The following MTMR14 variants were observed in gnomAD, a reference collection of about 807,000 sequenced individuals.
The protein encoded by MTMR14 is myotubularin related protein 14, also known as phosphatidylinositol-3,5-bisphosphate 3-phosphatase MTMR14.
A neutral mutation model predicts 86.3 loss-of-function variants in MTMR14; 48 were observed. The ratio of observed to expected loss-of-function variants is 0.56; its 90% CI spans 0.44 to 0.71. The LOEUF (loss-of-function observed/expected upper bound fraction) is 0.71. Among genes scored for constraint, MTMR14 ranks in the 30% least tolerant of loss-of-function variants. The pLI, the probability that MTMR14 is intolerant of heterozygous loss-of-function variation, is 0.00. For missense variants in MTMR14, 780 were observed against 834.6 expected, an observed-to-expected ratio of 0.93 and a Z score of 0.81; for synonymous variants, 366 against 326.1, an observed-to-expected ratio of 1.12 and a Z score of -1.32.
intron 13 of MTMR14, among the ~76,000 whole-genome samples, chr3:9,686,293 T>C (rs1201686704): frequency 6.6e-6 from 1 of 152,212 alleles, no homozygotes; most frequent in East Asian, 1.9e-4. Flanking sequence ...TTGTAGCCTC[T>C]CATTTTGGGA....
In MTMR14 at chr3:9,668,719, CACAT is replaced by C. The variant is rs1559576690; in HGVS notation, c.419_422del (p.His140LeufsTer74). 3 of 1,614,136 alleles carry C rather than the reference CACAT, an allele frequency of 1.9e-6. No individual in the cohort carries two copies. On this transcript the variant is annotated frameshift_variant and splice_region_variant, in exon 4 of 19. Coordinates refer to ENST00000296003, the MANE Select transcript of MTMR14 (RefSeq NM_001077525.3). LOFTEE classifies it high-confidence loss of function. ...CGTGAAAATGATGTTTCTCTCCCAG[CACAT>C]TTGCAGGTCGGCCACACTGGCTGGA...
intron 1 of MTMR14, 109 bp from the exon 2 acceptor site, chr3:9,653,512 T>C: frequency 7.2e-7 from 1 of 1,381,190 alleles, no homozygotes; most frequent in Non-Finnish European, 1.0e-6. Context: ...AGAATAATTA[T>C]CACCCAGGTA....
intron 18 of MTMR14, chr3:9,700,584 A>G (rs1559626039): frequency 6.6e-6 from 1 of 152,258 alleles, no homozygotes; most frequent in Non-Finnish European, 1.5e-5. Context: ...CAGAGCCTAC[A>G]GAGGCCAAGA....
At chr3:9,669,108 C>A (rs1179147876) in intron 4 of MTMR14, among the ~76,000 whole-genome samples, 2 of 151,430 alleles carry the variant, frequency 1.3e-5, no homozygotes, top group African/African-American at 4.9e-5. Flanking sequence ...CCACTGCACT[C>A]CAGCCTGGGC....
chr3:9,659,701 C>T, intron 2 of MTMR14: 1 of 455,506 alleles, frequency 2.2e-6, no homozygotes, highest in East Asian at 6.9e-5. Context: ...CCTGAGCCTC[C>T]CCAAGTGTGG....
At position 9,665,572 on chromosome 3, in the gene MTMR14, G is replaced by C. The variant is rs375646753; in HGVS notation, c.418-3147G>C. 2.0e-5 allele frequency among the ~76,000 whole-genome samples: 3 copies of C among 152,040 alleles called. No individual in the cohort carries two copies. The South Asian group carries it at 6.2e-4, about 32-fold the overall frequency. On this transcript the variant is annotated intron_variant, in intron 3 of 18. Coordinates refer to ENST00000296003, the MANE Select transcript of MTMR14 (RefSeq NM_001077525.3). ...TGAGTTAAATAGAAGTCTAAACCCC[G>C]CTTACACAATATATCCATGTAACAA...
chr3:9,649,516 T>G lies in MTMR14; in HGVS notation c.-68T>G. 1 of 1,484,494 alleles carries G rather than the reference T, an allele frequency of 6.7e-7. No homozygotes were observed. The highest frequency in any genetic ancestry group is 8.9e-7 in the Non-Finnish European group (1 of 1,120,906). 92.0% of individuals were successfully genotyped at this position (1,484,494 alleles called of 1,614,324 possible). A position where few individuals can be genotyped will look rare whatever the true frequency, so the allele number is the denominator to read the frequency against. ...TGAGGCGGTTCCGGAGGTTCTAGTG[T>G]CGGAGTTGGGTGCAGGCAGGTGCCA... On this transcript the variant is annotated 5_prime_UTR_variant, in exon 1 of 19. Coordinates refer to ENST00000296003, the MANE Select transcript of MTMR14 (RefSeq NM_001077525.3).
At chr3:9,656,991 C>T (rs1004775600) in intron 2 of MTMR14, among the ~76,000 whole-genome samples, 1 of 151,918 alleles carries the variant, frequency 6.6e-6, no homozygotes, top group African/African-American at 2.4e-5. Flanking sequence ...TGGCTTGCTG[C>T]GGCCTTGATC....
At chr3:9,664,815 T>TATTC (rs1193719337) in intron 3 of MTMR14, among the ~76,000 whole-genome samples, 2 of 152,060 alleles carry the variant, frequency 1.3e-5, no homozygotes, top group Admixed American at 6.6e-5. Flanking sequence ...AAAATATAGT[T>TATTC]AGAATGAGTA....
intron 5 of MTMR14, among the ~76,000 whole-genome samples, chr3:9,669,922 G>A (rs1215059374): frequency 6.6e-6 from 1 of 152,194 alleles, no homozygotes; most frequent in African/African-American, 2.4e-5. Context: ...GAGACATGAG[G>A]TCTAGCCTGG....
chr3:9,702,167 T>G lies in MTMR14; in HGVS notation c.*194T>G. 1 of 675,956 alleles carries G rather than the reference T, an allele frequency of 1.5e-6. No homozygotes were observed. Among genetic ancestry groups the G allele is most frequent in the Non-Finnish European group, 2.6e-6 (1 of 385,052 alleles). The allele number at this position is 675,956 out of a possible 1,614,324, so 41.9% of individuals were successfully genotyped here. ...TTCCAACCCCCAGCCTCTTGACTGG[T>G]GACCACCACCCCTTCTTGTCACTGT... On this transcript the variant is annotated 3_prime_UTR_variant, in exon 19 of 19. Transcript: ENST00000296003.
chr3:9,690,892 T>C (rs1259313268), intron 17 of MTMR14, among the ~76,000 whole-genome samples: 2 of 152,202 alleles, frequency 1.3e-5, no homozygotes, highest in Non-Finnish European at 2.9e-5. Flanking sequence ...AAGGGGCATT[T>C]AGAAGAATGG....
intron 2 of MTMR14, 46 bp from the exon 3 acceptor site, chr3:9,662,221 C>A: frequency 2.1e-6 from 3 of 1,460,414 alleles, no homozygotes; most frequent in Non-Finnish European, 2.9e-6. Flanking sequence ...ACACAAAGTG[C>A]CCACTTCAAA....
chr3:9,702,166 GT>G lies in MTMR14; in HGVS notation c.*194del. On this transcript the variant is annotated 3_prime_UTR_variant, in exon 19 of 19. Transcript: ENST00000296003. Reference sequence around the variant, plus strand: ...TTTCCAACCCCCAGCCTCTTGACTGGTGACCACCACCCCTTCTTGTCACTGT... The same window carrying G: ...TTTCCAACCCCCAGCCTCTTGACTGGGACCACCACCCCTTCTTGTCACTGT... 1.5e-6 allele frequency: 1 copy of G among 681,690 alleles called. No homozygotes were observed. The allele number at this position is 681,690 out of a possible 1,614,324, so 42.2% of individuals were successfully genotyped here. A position where few individuals can be genotyped will look rare whatever the true frequency, so the allele number is the denominator to read the frequency against.
intron 10 of MTMR14, among the ~76,000 whole-genome samples, chr3:9,684,006 C>T (rs933601691): frequency 6.6e-6 from 1 of 152,124 alleles, no homozygotes; most frequent in Admixed American, 6.5e-5. Context: ...TTGAACTAGT[C>T]GCTGGAGGGA....
intron 5 of MTMR14, 89 bp from the exon 6 acceptor site, chr3:9,670,959 A>C: frequency 6.5e-7 from 1 of 1,537,074 alleles, no homozygotes; most frequent in South Asian, 1.1e-5. Flanking sequence ...GAGAAGAGTG[A>C]CATCCATACT....
chr3:9,668,872 C>T (rs2048406745), intron 4 of MTMR14, 78 bp downstream of exon 4: 2 of 1,444,350 alleles, frequency 1.4e-6, no homozygotes, highest in East Asian at 2.3e-5. Flanking sequence ...GGGCGCCATG[C>T]CTCACGCCTG....
At chr3:9,672,314 C>T (rs566322205) in intron 6 of MTMR14, among the ~76,000 whole-genome samples, 15 of 152,314 alleles carry the variant, frequency 9.8e-5, no homozygotes, top group African/African-American at 3.4e-4. Context: ...TCTTGGCTCA[C>T]TGCAACCATC....
intron 9 of MTMR14, among the ~76,000 whole-genome samples, chr3:9,679,899 T>C (rs897018657): frequency 2.0e-5 from 3 of 152,206 alleles, no homozygotes; most frequent in African/African-American, 7.2e-5. Flanking sequence ...AGAGGCCACC[T>C]CTTCAGTGTT....
Sources: allele counts gnomAD v4.1 joint callset (sites outside exome capture counted in the v4.1 genomes callset), GRCh38; gene constraint gnomAD v4.1.1; transcripts MANE v1.5; gene names NCBI Gene and HGNC (gene_info 2026-07-23, HGNC 2026-07-21).